Variants in STXBP4 observed in about 807,000 individuals in gnomAD.
STXBP4 encodes syntaxin binding protein 4, also known as syntaxin-binding protein 4.
Under a neutral mutation model 76.1 loss-of-function variants are expected in STXBP4, and 55 were observed. That is an observed-to-expected ratio of 0.72 (90% CI 0.58 to 0.91). The LOEUF (loss-of-function observed/expected upper bound fraction) is 0.91. Among genes scored for constraint, STXBP4 ranks in the 40% least tolerant of loss-of-function variants. STXBP4 has a pLI of 0.00. For missense variants in STXBP4, 618 were observed against 636.9 expected, an observed-to-expected ratio of 0.97 and a Z score of 0.32; for synonymous variants, 201 against 220.2, an observed-to-expected ratio of 0.91 and a Z score of 0.77.
chr17:55,113,974 C>G (rs777526300), intron 16 of STXBP4, among the ~76,000 whole-genome samples: 2 of 152,096 alleles, frequency 1.3e-5, no homozygotes, highest in Admixed American at 6.6e-5. Context: ...CTCTGTACCT[C>G]ATTTTCCTCA....
At position 55,043,166 on chromosome 17, in the gene STXBP4, T is replaced by G. The variant is rs113674304; in HGVS notation, c.856-70T>G. The G allele has an allele frequency of 1.2e-4, 90 of 728,288 alleles. 1 individual carries two copies. In the Middle Eastern group the frequency reaches 1.9e-3, roughly 16 times the overall value. 45.1% of individuals were successfully genotyped at this position (728,288 alleles called of 1,614,324 possible). ...ACAGAAGCCTAAGATTAGTCAAAAATGATTTTTATGTTACCTCTCATAATT... is the reference window on the plus strand; with the variant it reads ...ACAGAAGCCTAAGATTAGTCAAAAAGGATTTTTATGTTACCTCTCATAATT... On this transcript the variant is annotated intron_variant, in intron 10 of 17. Coordinates refer to ENST00000376352, the MANE Select transcript of STXBP4 (RefSeq NM_178509.6).
At chr17:55,018,167 G>A (rs963922935) in intron 8 of STXBP4, among the ~76,000 whole-genome samples, 1 of 152,136 alleles carries the variant, frequency 6.6e-6, no homozygotes, top group East Asian at 1.9e-4. Flanking sequence ...CGTGGGTCAC[G>A]GAAGAGAACC....
At chr17:55,055,430 C>T (rs900129801) in intron 12 of STXBP4, among the ~76,000 whole-genome samples, 12 of 152,172 alleles carry the variant, frequency 7.9e-5, no homozygotes, top group Admixed American at 5.9e-4. Context: ...TCACCACTTC[C>T]ATCAGTGGTC....
chr17:54,988,408 T>G (rs1377789761), intron 3 of STXBP4, among the ~76,000 whole-genome samples: 1 of 152,180 alleles, frequency 6.6e-6, no homozygotes, highest in East Asian at 1.9e-4. Flanking sequence ...GTAGCTTACT[T>G]CCCTTTCTTA....
At chr17:55,066,869 C>T (rs2079058193) in intron 12 of STXBP4, among the ~76,000 whole-genome samples, 1 of 152,082 alleles carries the variant, frequency 6.6e-6, no homozygotes, top group South Asian at 2.1e-4. Flanking sequence ...CTAGGCAACA[C>T]AGTGAGACTC....
downstream of STXBP4, among the ~76,000 whole-genome samples, chr17:55,178,385 A>C (rs1304912662): frequency 6.6e-6 from 1 of 152,198 alleles, no homozygotes; most frequent in African/African-American, 2.4e-5. Flanking sequence ...AATGTCCCCC[A>C]TTCAAGCTAT....
intron 13 of STXBP4, among the ~76,000 whole-genome samples, chr17:55,075,842 A>G (rs1245893025): frequency 1.3e-5 from 2 of 152,138 alleles, no homozygotes; most frequent in South Asian, 2.1e-4. Context: ...TCTCAACTCA[A>G]TGTACAGTGA....
chr17:55,043,587 T>A (rs2078739635), intron 11 of STXBP4: 1 of 1,545,610 alleles, frequency 6.5e-7, no homozygotes, highest in East Asian at 2.4e-5. Context: ...GGTTTCTTCT[T>A]ATCCTTTTTA....
chr17:55,131,151 C>A (rs1381508413), intron 16 of STXBP4, among the ~76,000 whole-genome samples: 2 of 152,152 alleles, frequency 1.3e-5, no homozygotes, highest in East Asian at 1.9e-4. Flanking sequence ...TACAAGGATT[C>A]TTTTTTCTCT....
intron 16 of STXBP4, among the ~76,000 whole-genome samples, chr17:55,104,591 TTG>T (rs1442164631): frequency 6.6e-6 from 1 of 151,982 alleles, no homozygotes; most frequent in East Asian, 1.9e-4. Flanking sequence ...AATTTTTTTG[TTG>T]TTGTTGTGTC....
chr17:54,969,985 G>A (rs1327544252), intron 1 of STXBP4, among the ~76,000 whole-genome samples: 1 of 152,188 alleles, frequency 6.6e-6, no homozygotes, highest in Non-Finnish European at 1.5e-5. Flanking sequence ...AGTAAAGTAA[G>A]GACGTTTTGA....
intron 12 of STXBP4, among the ~76,000 whole-genome samples, chr17:55,067,148 A>T (rs535455876): frequency 1.3e-5 from 2 of 152,240 alleles, no homozygotes; most frequent in South Asian, 4.1e-4. Context: ...ACCTGCTCAT[A>T]TTAGATAGGG....
chr17:55,145,921 A>G (rs1242167886), intron 17 of STXBP4, among the ~76,000 whole-genome samples: 1 of 152,206 alleles, frequency 6.6e-6, no homozygotes, highest in African/African-American at 2.4e-5. Context: ...TAAATTTAAT[A>G]ACAAACCATC....
At chr17:55,120,887 C>T (rs905207449) in intron 16 of STXBP4, among the ~76,000 whole-genome samples, 45 of 152,034 alleles carry the variant, frequency 3.0e-4, no homozygotes, top group African/African-American at 1.0e-3. Context: ...GTTGCATCAG[C>T]TCAAAGGAGG....
intron 9 of STXBP4, among the ~76,000 whole-genome samples, chr17:55,033,775 G>A (rs1232733188): frequency 6.6e-6 from 1 of 152,160 alleles, no homozygotes; most frequent in Non-Finnish European, 1.5e-5. Context: ...CTGCCATACA[G>A]CAGCGGTTAC....
At chr17:54,978,641 T>C (rs1290402543) in intron 1 of STXBP4, among the ~76,000 whole-genome samples, 1 of 152,168 alleles carries the variant, frequency 6.6e-6, no homozygotes, top group African/African-American at 2.4e-5. Context: ...AGCTGATATT[T>C]AGATGCCAAG....
chr17:55,185,898 G>T, the STXBP4 span, among the ~76,000 whole-genome samples: 1 of 152,314 alleles, frequency 6.6e-6, no homozygotes, highest in South Asian at 2.1e-4. Context: ...ACGGAGAAAG[G>T]AGAGAATCTG....
chr17:54,993,590 CTT>C (rs1471993317), intron 4 of STXBP4, among the ~76,000 whole-genome samples: 3 of 152,150 alleles, frequency 2.0e-5, no homozygotes, highest in East Asian at 1.9e-4. Flanking sequence ...ATTGATATAA[CTT>C]TATTTTACAA....
chr17:55,012,302 T>C (rs555381594), intron 8 of STXBP4, among the ~76,000 whole-genome samples: 1 of 152,272 alleles, frequency 6.6e-6, no homozygotes, highest in African/African-American at 2.4e-5. Flanking sequence ...CCCATTCTAT[T>C]TCTTCTTCTG....
Sources: allele counts gnomAD v4.1 joint callset (sites outside exome capture counted in the v4.1 genomes callset), GRCh38; gene constraint gnomAD v4.1.1; transcripts MANE v1.5; gene names NCBI Gene and HGNC (gene_info 2026-07-23, HGNC 2026-07-21).